Variants in RNF14 observed in about 807,000 individuals in gnomAD.
RNF14 encodes ring finger protein 14.
In RNF14, 26 loss-of-function variants were observed where a neutral mutation model predicts 52.6. The ratio of observed to expected loss-of-function variants is 0.49; its 90% confidence interval spans 0.36 to 0.69. The LOEUF is 0.69. RNF14 is among the 30% of genes least tolerant of loss of function. RNF14 has a pLI of 0.00. For synonymous variants in RNF14, 194 were observed against 202.0 expected, an observed-to-expected ratio of 0.96 and a Z score of 0.34; for missense variants, 404 against 560.4, an observed-to-expected ratio of 0.72 and a Z score of 2.82.
chr5:141,951,870 A>T, the RNF14 span, among the ~76,000 whole-genome samples: 3 of 152,180 alleles, frequency 2.0e-5, no homozygotes. Flanking sequence ...AGTGTCCTGC[A>T]CCTGGTGGAC....
chr5:141,978,480 T>C lies in RNF14; in HGVS notation c.484T>C (p.Ser162Pro). 6.2e-7 allele frequency: 1 copy of C among 1,614,112 alleles called. No individual in the cohort carries two copies. The highest frequency in any genetic ancestry group is 8.5e-7 in the Non-Finnish European group (1 of 1,180,024). Residue 162 changes from serine to proline, a missense_variant, in exon 5 of 9, where the codon TCT becomes CCT. Ser to Pro is a moderately conservative substitution (Grantham distance 74). Coordinates refer to ENST00000394520, the MANE Select transcript of RNF14 (RefSeq NM_004290.5). The stretch of plus-strand genomic sequence containing the variant: ...AGTGCAGAGAAGGACAGCTCAAGCT[T>C]CTCCCAACACAGAGCTAGATTTTGG... ...KKVQRRTAQA[S>P]PNTELDFGGA...
chr5:141,951,029 C>T, the RNF14 span, among the ~76,000 whole-genome samples: 5 of 152,172 alleles, frequency 3.3e-5, no homozygotes, highest in African/African-American at 1.2e-4. Flanking sequence ...CCATCCGTAA[C>T]AAGAAGTTGG....
chr5:141,957,132 A>G (rs764726618), upstream of RNF14: 7 of 1,614,154 alleles, frequency 4.3e-6, no homozygotes, highest in Non-Finnish European at 5.9e-6. The surrounding 1 kb of genome is among the most constrained non-coding windows in gnomAD (Gnocchi z 4.3). Context: ...ACGCAGGGCT[A>G]TTGTCATTGG....
At chr5:141,963,945 C>A (rs1255518078), upstream of RNF14, among the ~76,000 whole-genome samples, 2 of 152,176 alleles carry the variant, frequency 1.3e-5, no homozygotes, top group African/African-American at 4.8e-5. Context: ...GCAGCTGCTG[C>A]TAAATCTCAC....
At chr5:141,984,754 T>A (rs1400520406) in intron 7 of RNF14, 49 bp from the exon 8 acceptor site, 4 of 1,598,264 alleles carry the variant, frequency 2.5e-6, no homozygotes, top group Admixed American at 3.3e-5. Flanking sequence ...GTGCTGTCTC[T>A]TCTGCTTTTA....
the RNF14 span, among the ~76,000 whole-genome samples, chr5:141,950,086 G>A: frequency 2.6e-5 from 4 of 152,202 alleles, no homozygotes; most frequent in Non-Finnish European, 5.9e-5. Context: ...AGTGGGTGCT[G>A]AATGAGTGAC....
upstream of RNF14, chr5:141,957,392 T>C (rs1262522724): frequency 6.2e-7 from 1 of 1,613,658 alleles, no homozygotes; most frequent in South Asian, 1.1e-5. This position sits in a 1 kb window ranked among gnomAD's most constrained non-coding sequence, Gnocchi z 4.3. Flanking sequence ...TCCAGGGGGA[T>C]CCGGGTTCGC....
At chr5:141,960,218 C>T (rs1753256763) in intron 1 of RNF14, among the ~76,000 whole-genome samples, 1 of 152,168 alleles carries the variant, frequency 6.6e-6, no homozygotes, top group Admixed American at 6.5e-5. Flanking sequence ...CAATCGTCCC[C>T]CTGTGTGCCT....
upstream of RNF14, chr5:141,958,021 G>A: frequency 1.4e-6 from 1 of 729,564 alleles, no homozygotes; most frequent in South Asian, 2.0e-5. Flanking sequence ...GGACCCCAAG[G>A]CAAGGCCATC....
intron 4 of RNF14, among the ~76,000 whole-genome samples, chr5:141,976,615 A>T (rs1165198163): frequency 6.6e-6 from 1 of 152,086 alleles, no homozygotes; most frequent in Non-Finnish European, 1.5e-5. Context: ...TAATGGTGAA[A>T]TTGACACATA....
chr5:141,974,815 G>C lies in RNF14; in HGVS notation c.166G>C (p.Glu56Gln). Residue 56 changes from glutamate to glutamine, a missense_variant, in exon 4 of 9, where the codon GAG becomes CAG. Physicochemically the swap from Glu to Gln is conservative, Grantham distance 29 (BLOSUM62 2). Transcript: ENST00000394520. ...FKIFVSGNSN[E>Q]CLQNSGFEYT... is the part of the protein sequence containing the mutation. ...TGTTTTTGGTTCAGGCAATTCAAAT[G>C]AGTGTCTCCAGAATAGTGGCTTTGA... is the stretch of plus-strand genomic sequence containing the variant. The C allele has an allele frequency of 1.2e-6, 2 of 1,613,910 alleles. No individual in the cohort carries two copies.
intron 8 of RNF14, among the ~76,000 whole-genome samples, chr5:141,985,794 C>T (rs1227607608): frequency 1.3e-5 from 2 of 152,172 alleles, no homozygotes; most frequent in African/African-American, 4.8e-5. Flanking sequence ...ACCTCGTGAG[C>T]TGCCCGCCTC....
intron 1 of RNF14, among the ~76,000 whole-genome samples, chr5:141,970,266 C>T (rs1279315857): frequency 2.6e-5 from 4 of 152,094 alleles, no homozygotes; most frequent in Non-Finnish European, 5.9e-5. Flanking sequence ...AAGTATTTTT[C>T]TGTTACCAAA....
intron 8 of RNF14, among the ~76,000 whole-genome samples, 167 bp from the exon 9 acceptor site, chr5:141,987,566 G>A (rs915331354): frequency 1.3e-5 from 2 of 152,174 alleles, no homozygotes; most frequent in African/African-American, 4.8e-5. Flanking sequence ...CTTTAGGGTA[G>A]ATTGTTCAGA....
At chr5:141,949,583 C>T in the RNF14 span, 1 of 1,612,754 alleles carries the variant, frequency 6.2e-7, no homozygotes. Flanking sequence ...GGATTGCACT[C>T]CTGCAAAAGA....
intron 1 of RNF14, among the ~76,000 whole-genome samples, chr5:141,970,090 T>G (rs564088657): frequency 6.6e-6 from 1 of 152,188 alleles, no homozygotes; most frequent in Non-Finnish European, 1.5e-5. Context: ...TTAATTATGG[T>G]TTTGTATATA....
intron 4 of RNF14, among the ~76,000 whole-genome samples, chr5:141,976,078 T>C (rs888033502): frequency 2.6e-5 from 4 of 152,358 alleles, no homozygotes; most frequent in African/African-American, 9.6e-5. Flanking sequence ...CTAGAGCTTA[T>C]GGTTTAAAAG....
intron 8 of RNF14, among the ~76,000 whole-genome samples, chr5:141,985,396 A>G (rs939869465): frequency 6.6e-6 from 1 of 152,234 alleles, no homozygotes; most frequent in African/African-American, 2.4e-5. Flanking sequence ...GTAAACAAAC[A>G]TATTTGAAAC....
chr5:141,964,133 A>G (rs368157325), upstream of RNF14, among the ~76,000 whole-genome samples: 366 of 152,328 alleles, frequency 2.4e-3, no homozygotes, highest in African/African-American at 8.3e-3. Flanking sequence ...TTATACTGTC[A>G]GCCACCTCAA....
Sources: allele counts gnomAD v4.1 joint callset (sites outside exome capture counted in the v4.1 genomes callset), GRCh38; gene constraint gnomAD v4.1.1; non-coding constraint Gnocchi (gnomAD v3.1); transcripts MANE v1.5; gene names NCBI Gene and HGNC (gene_info 2026-07-23, HGNC 2026-07-21).